The following HSPA12A variants were observed in gnomAD, a reference collection of about 807,000 sequenced individuals.
HSPA12A encodes the protein heat shock protein family A (Hsp70) member 12A.
Under a neutral mutation model 69.2 loss-of-function variants are expected in HSPA12A, and 28 were observed. The observed-to-expected ratio is 0.40, with a 90% CI of 0.30 to 0.55. The LOEUF is 0.55. Ranked by LOEUF, HSPA12A falls within the 20% of genes least tolerant of loss-of-function variation. The pLI, the probability that HSPA12A is intolerant of heterozygous loss-of-function variation, is 0.38. For synonymous variants in HSPA12A, 345 were observed against 370.5 expected (o/e 0.93, Z 0.79); for missense variants, 686 against 900.7 (o/e 0.76, Z 3.05).
intron 2 of HSPA12A, among the ~76,000 whole-genome samples, chr10:116,770,047 G>A (rs1844166596): frequency 6.6e-6 from 1 of 152,210 alleles, no homozygotes; most frequent in Non-Finnish European, 1.5e-5. Context: ...AATGAGGCAA[G>A]TAAGGAGAGA....
At chr10:116,736,849 T>C (rs1554886480) in intron 1 of HSPA12A, among the ~76,000 whole-genome samples, 1 of 152,186 alleles carries the variant, frequency 6.6e-6, no homozygotes, top group African/African-American at 2.4e-5. Context: ...TAAATTTGTA[T>C]GGTTTTCAGC....
chr10:116,722,742 G>A (rs951652247), intron 1 of HSPA12A, among the ~76,000 whole-genome samples: 1 of 152,004 alleles, frequency 6.6e-6, no homozygotes, highest in African/African-American at 2.4e-5. Context: ...AAACATAGTG[G>A]GATGATTTCA....
chr10:116,784,658 G>A (rs1437007951), intron 2 of HSPA12A, among the ~76,000 whole-genome samples: 1 of 152,212 alleles, frequency 6.6e-6, no homozygotes, highest in African/African-American at 2.4e-5. Context: ...TTTAGCAAGA[G>A]TTGCTCCTTC....
intron 2 of HSPA12A, among the ~76,000 whole-genome samples, chr10:116,816,507 T>C (rs905645508): frequency 1.3e-5 from 2 of 152,174 alleles, no homozygotes; most frequent in Non-Finnish European, 1.5e-5. Context: ...ACCCAAATCA[T>C]GTCACTGAAG....
At chr10:116,808,969 C>A (rs182244826) in intron 2 of HSPA12A, among the ~76,000 whole-genome samples, 6 of 152,288 alleles carry the variant, frequency 3.9e-5, no homozygotes, top group African/African-American at 1.4e-4. Context: ...GGAGGCAAGT[C>A]GGGAGGGGCC....
chr10:116,695,602 G>T (rs1849868533), intron 5 of HSPA12A, among the ~76,000 whole-genome samples: 1 of 152,052 alleles, frequency 6.6e-6, no homozygotes, highest in Admixed American at 6.5e-5. Flanking sequence ...GGATCATGAG[G>T]TCAGGAGATC....
intron 2 of HSPA12A, among the ~76,000 whole-genome samples, chr10:116,803,641 G>A (rs556370622): frequency 6.6e-6 from 1 of 152,288 alleles, no homozygotes; most frequent in Admixed American, 6.5e-5. Context: ...GATATGTTCT[G>A]TGTCTCTTGG....
chr10:116,691,135 A>T (rs1554880115), intron 6 of HSPA12A, among the ~76,000 whole-genome samples: 2 of 152,038 alleles, frequency 1.3e-5, no homozygotes, highest in Non-Finnish European at 2.9e-5. Context: ...ATAAAAACAG[A>T]TCTATTTTTG....
At chr10:116,848,726 A>G (rs1564840102) in intron 1 of HSPA12A, among the ~76,000 whole-genome samples, 1 of 140,710 alleles carries the variant, frequency 7.1e-6, no homozygotes, top group Non-Finnish European at 1.6e-5. Context: ...AGCATTCTGG[A>G]GAGGGAACGT....
intron 2 of HSPA12A, among the ~76,000 whole-genome samples, chr10:116,753,157 C>A (rs1843748644): frequency 6.6e-6 from 1 of 152,224 alleles, no homozygotes; most frequent in South Asian, 2.1e-4. Flanking sequence ...TGTTTCACAG[C>A]CTGGCGCTGG....
At chr10:116,702,885 C>G (rs1850120082) in intron 3 of HSPA12A, among the ~76,000 whole-genome samples, 2 of 152,150 alleles carry the variant, frequency 1.3e-5, no homozygotes, top group Non-Finnish European at 2.9e-5. Flanking sequence ...CTCTAGAGGC[C>G]CTGAACTATG....
chr10:116,682,528 T>A (rs1008780479), intron 7 of HSPA12A, among the ~76,000 whole-genome samples: 4 of 152,104 alleles, frequency 2.6e-5, no homozygotes, highest in African/African-American at 9.6e-5. Context: ...CGTCTGGGCC[T>A]GGCAAACCCC....
rs1185999626 is a variant in HSPA12A, at chr10:116,792,007, C to A, written c.91+42928G>T. Among the ~76,000 whole-genome samples, 4 of 151,972 alleles carry A rather than the reference C, an allele frequency of 2.6e-5. No homozygotes were observed. The East Asian group carries it at 7.7e-4, about 29-fold the overall frequency. ...CAGCTTGGCACCTTGGAAATGTTAA[C>A]CCAACAGATCAGAATTTCCTGGGAA... On this transcript the variant is annotated intron_variant, in intron 2 of 12. Transcript: ENST00000635765.
In HSPA12A at chr10:116,712,977, AATATATATATAT is replaced by A. The variant is rs56007651; in HGVS notation, c.41-5704_41-5693del. Among the ~76,000 whole-genome samples the A allele has an allele frequency of 2.6e-3, 212 of 80,852 alleles. 24 individuals carry two copies. The East Asian group carries it at 0.087, about 33-fold the overall frequency. The allele number at this position is 80,852 out of a possible 152,430, so 53.0% of individuals were successfully genotyped here. A position where few individuals can be genotyped will look rare whatever the true frequency, so the allele number is the denominator to read the frequency against. ...TGGTACTTATGATTTTAAAAAATGC[AATATATATATAT>A]ATATATATATATATATATATATTTG... On this transcript the variant is annotated intron_variant, in intron 1 of 11. Transcript: ENST00000369209.
At position 116,671,709 on chromosome 10, in the gene HSPA12A, A is replaced by G. The variant is rs1849084937; in HGVS notation, c.*3072T>C. On this transcript the variant is annotated 3_prime_UTR_variant, in exon 12 of 12. Transcript: ENST00000369209. ...CTTGTCTGTTACTCAGCATTTATTC[A>G]TGCCTGCTGTGTACGGAAAGGGCAG... 6.5e-6 allele frequency: 1 copy of G among 152,700 alleles called. No individual in the cohort carries two copies. Among genetic ancestry groups the G allele is most frequent in the Middle Eastern group, 3.4e-3 (1 of 294 alleles). The allele number at this position is 152,700 out of a possible 1,614,324, so 9.5% of individuals were successfully genotyped here.
intron 2 of HSPA12A, 75 bp downstream of exon 2, chr10:116,707,125 G>A (rs556204829): frequency 2.8e-5 from 33 of 1,195,622 alleles, no homozygotes; most frequent in Non-Finnish European, 3.5e-5. Flanking sequence ...AAGTCAGTAC[G>A]CACGTGTGCT....
intron 2 of HSPA12A, among the ~76,000 whole-genome samples, chr10:116,812,389 G>A (rs146837842): frequency 1.8e-3 from 281 of 152,128 alleles, no homozygotes; most frequent in Middle Eastern, 0.01. Context: ...GGAGGCAGAG[G>A]ATGCAGCGAG....
At chr10:116,714,039 G>A (rs1850528006) in intron 1 of HSPA12A, among the ~76,000 whole-genome samples, 1 of 151,674 alleles carries the variant, frequency 6.6e-6, no homozygotes. Context: ...TGGATGGGTG[G>A]GTGGATGGTG....
At chr10:116,696,672 C>T (rs1443211881) in intron 5 of HSPA12A, among the ~76,000 whole-genome samples, 6 of 152,120 alleles carry the variant, frequency 3.9e-5, no homozygotes, top group Non-Finnish European at 5.9e-5. Context: ...ACTAGAAATC[C>T]TTTGAGGACT....
Sources: gnomAD v4.1 joint callset for allele counts (sites outside exome capture counted in the v4.1 genomes callset) on GRCh38, gnomAD v4.1.1 for gene constraint, MANE v1.5 for transcripts, NCBI Gene and HGNC (gene_info 2026-07-23, HGNC 2026-07-21) for gene names.